Variants in CLPTM1 observed in about 807,000 individuals in gnomAD.
The protein encoded by CLPTM1 is CLPTM1 regulator of GABA type A receptor forward trafficking.
In CLPTM1, 21 loss-of-function variants were observed where a neutral mutation model predicts 77.3. The observed-to-expected ratio is 0.27, with a 90% CI of 0.19 to 0.39. CLPTM1 has a LOEUF of 0.39. Ranked by LOEUF, CLPTM1 falls within the 10% of genes least tolerant of loss-of-function variation. The pLI is 1.00. For missense variants in CLPTM1, 642 were observed against 921.2 expected, an observed-to-expected ratio of 0.70 and a Z score of 3.92; for synonymous variants, 373 against 381.0, an observed-to-expected ratio of 0.98 and a Z score of 0.24.
At chr19:44,972,463 A>G (rs544161475) in intron 2 of CLPTM1, among the ~76,000 whole-genome samples, 29 of 151,798 alleles carry the variant, frequency 1.9e-4, no homozygotes, top group Non-Finnish European at 2.1e-4. Context: ...GTTAGCCAGG[A>G]TGGTCTCAAT....
chr19:44,974,381 C>T (rs1450203595), intron 3 of CLPTM1, 58 bp from the exon 4 acceptor site: 1 of 1,550,656 alleles, frequency 6.4e-7, no homozygotes, highest in African/African-American at 1.4e-5. Flanking sequence ...GCTCTTTAGC[C>T]AGCCTGCAGA....
chr19:44,979,082 C>T (rs955904809), intron 5 of CLPTM1, among the ~76,000 whole-genome samples: 6 of 151,308 alleles, frequency 4.0e-5, no homozygotes, highest in Non-Finnish European at 8.8e-5. Flanking sequence ...CAAGTTCAAG[C>T]GATTCTCCCA....
At chr19:44,985,363 C>A (rs1415332084) in intron 6 of CLPTM1, 60 bp downstream of exon 6, 58 of 1,175,972 alleles carry the variant, frequency 4.9e-5, no homozygotes, top group Non-Finnish European at 7.2e-5. Flanking sequence ...ACAGCTCATC[C>A]CAGACCACTG....
Position 44,989,101 on chromosome 19 carries a change from G to T in CLPTM1, c.1132+928G>T, listed in dbSNP as rs114596316. On this transcript the variant is annotated intron_variant, in intron 9 of 13. Transcript: ENST00000337392. ...GGGAGGCTTGGGCCTGAAAGGTCAAGGCTGCCGTGAGCCATGATCACACCA... is the reference window on the plus strand; with the variant it reads ...GGGAGGCTTGGGCCTGAAAGGTCAATGCTGCCGTGAGCCATGATCACACCA... Among the ~76,000 whole-genome samples the T allele has an allele frequency of 2.9e-3, 448 of 152,202 alleles. 4 individuals are homozygous for T. Among genetic ancestry groups the T allele is most frequent in the African/African-American group, 9.9e-3 (411 of 41,532 alleles).
At chr19:44,960,130 A>C (rs1343563426) in intron 1 of CLPTM1, among the ~76,000 whole-genome samples, 1 of 150,852 alleles carries the variant, frequency 6.6e-6, no homozygotes. Flanking sequence ...TCCCCAGCCG[A>C]CCCCCGCCCC....
upstream of CLPTM1, chr19:44,954,600 G>C: frequency 9.7e-7 from 1 of 1,035,308 alleles, no homozygotes; most frequent in Non-Finnish European, 1.2e-6. Context: ...CAAACTAAGG[G>C]TCTCTCAGCA....
intron 6 of CLPTM1, among the ~76,000 whole-genome samples, chr19:44,985,823 G>T (rs1369162210): frequency 6.6e-6 from 1 of 152,208 alleles, no homozygotes; most frequent in Admixed American, 6.5e-5. Context: ...TGGGGGGGTG[G>T]TCCCTGCTCA....
At chr19:44,965,780 C>G (rs1479793413) in intron 2 of CLPTM1, among the ~76,000 whole-genome samples, 1 of 152,246 alleles carries the variant, frequency 6.6e-6, no homozygotes, top group Non-Finnish European at 1.5e-5. Context: ...TGCCACTGCA[C>G]TCCAGCCTAG....
At chr19:44,955,492 G>C (rs1057284360) in intron 1 of CLPTM1, 25 bp downstream of exon 1, 3 of 1,282,672 alleles carry the variant, frequency 2.3e-6, no homozygotes, top group African/African-American at 3.1e-5. Flanking sequence ...AGGGGACTGA[G>C]GGGGTTCTTC....
rs181120518 is a variant in CLPTM1 at position 44,966,160 on chromosome 19, C to G, written c.185+4085C>G. Among the ~76,000 whole-genome samples, 407 of 152,230 alleles carry G rather than the reference C, an allele frequency of 2.7e-3. 1 individual carries two copies. The highest frequency in any genetic ancestry group is 9.5e-3 in the African/African-American group (394 of 41,510). ...GGCGCGGTGGCTCACGCCTGTAATC[C>G]CAGCACTTTGGGAGGCCGAGGTGGG... On this transcript the variant is annotated intron_variant, in intron 2 of 13. Transcript: ENST00000337392.
Position 44,993,025 on chromosome 19 carries a change from G to T in CLPTM1, c.*128G>T. 8.3e-7 allele frequency: 1 copy of T among 1,198,382 alleles called. No individual in the cohort carries two copies. Among genetic ancestry groups the T allele is most frequent in the Non-Finnish European group, 1.2e-6 (1 of 835,058 alleles). The allele number at this position is 1,198,382 out of a possible 1,614,324, so 74.2% of individuals were successfully genotyped here. Reference sequence around the variant, plus strand: ...CCGGGGCGGTGGGAGGCCCGCCTCAGGTCAGGGCCCAGCGTGTGATGTAGG... The same window carrying T: ...CCGGGGCGGTGGGAGGCCCGCCTCATGTCAGGGCCCAGCGTGTGATGTAGG... On this transcript the variant is annotated 3_prime_UTR_variant, in exon 14 of 14. Transcript: ENST00000337392.
At chr19:44,985,030 A>G (rs537121222) in intron 5 of CLPTM1, among the ~76,000 whole-genome samples, 188 bp from the exon 6 acceptor site, 40 of 152,200 alleles carry the variant, frequency 2.6e-4, no homozygotes, top group South Asian at 2.1e-3. Context: ...CATGATCATG[A>G]GGAACTGGGA....
In CLPTM1 at chr19:44,955,450, G is replaced by C; in HGVS notation, c.55G>C (p.Gly19Arg). Reference protein sequence around the residue: ...GARSAVVAAGGGSSGQVTSNG... With the variant: ...GARSAVVAAGRGSSGQVTSNG... ...CCGCAGCGCCGTGGTGGCGGCCGGG[G>C]GAGGCAGCTCCGGTCAGGTACGGAG... The change falls in exon 1 of 14, where the codon GGA becomes CGA. Residue 19 changes from glycine to arginine, a missense_variant. Gly to Arg is a moderately radical substitution (Grantham distance 125, BLOSUM62 -2). Transcript: ENST00000337392. 2.2e-6 allele frequency: 3 copies of C among 1,335,036 alleles called. No homozygotes were observed. Among genetic ancestry groups the C allele is most frequent in the Non-Finnish European group, 2.9e-6 (3 of 1,045,342 alleles). The allele number at this position is 1,335,036 out of a possible 1,614,324, so 82.7% of individuals were successfully genotyped here.
chr19:44,990,401 A>C lies in CLPTM1; in HGVS notation c.1139A>C (p.Gln380Pro). 6.2e-7 allele frequency: 1 copy of C among 1,613,912 alleles called. No individual in the cohort carries two copies. Among genetic ancestry groups the C allele is most frequent in the Non-Finnish European group, 8.5e-7 (1 of 1,179,898 alleles). Reference sequence around the variant, plus strand: ...CCCTACCCCCTGCGCACAGATATCCAGTTCTGGAACAGCCGGCAGTCCCTG... The same window carrying C: ...CCCTACCCCCTGCGCACAGATATCCCGTTCTGGAACAGCCGGCAGTCCCTG... ...FEFLAFKNDI[Q>P]FWNSRQSLEG... Residue 380 changes from glutamine to proline, a missense_variant, in exon 10 of 14, where the codon CAG becomes CCG. Transcript: ENST00000337392. The surrounding 1 kb of genome is among the most constrained non-coding windows in gnomAD (Gnocchi z 4.8).
chr19:44,987,469 C>A (rs528222489), intron 8 of CLPTM1, 46 bp downstream of exon 8: 1 of 1,603,624 alleles, frequency 6.2e-7, no homozygotes, highest in South Asian at 1.1e-5. Context: ...CCTTCCTGGG[C>A]GCAAGAGGCC....
intron 5 of CLPTM1, among the ~76,000 whole-genome samples, chr19:44,977,767 G>T (rs957786922): frequency 6.6e-6 from 1 of 152,190 alleles, no homozygotes; most frequent in Non-Finnish European, 1.5e-5. Context: ...CACCAAGGGG[G>T]AAGGGCCAGG....
chr19:44,977,256 C>G, intron 4 of CLPTM1, 87 bp from the exon 5 acceptor site: 1 of 961,784 alleles, frequency 1.0e-6, no homozygotes, highest in South Asian at 1.3e-5. Flanking sequence ...GGGGAGGAAA[C>G]TGCTGCAGAT....
chr19:44,985,405 C>A (rs1970962174), intron 6 of CLPTM1, 102 bp downstream of exon 6: 1 of 797,580 alleles, frequency 1.3e-6, no homozygotes, highest in Non-Finnish European at 2.1e-6. Context: ...ACTGAACCAC[C>A]ATGCCGGCTC....
chr19:44,958,588 T>A (rs1214352839), intron 1 of CLPTM1, among the ~76,000 whole-genome samples: 1 of 152,146 alleles, frequency 6.6e-6, no homozygotes, highest in African/African-American at 2.4e-5. Context: ...GCCAGGCTGG[T>A]CTTGAACTCC....
Sources: gnomAD v4.1 joint callset for allele counts (sites outside exome capture counted in the v4.1 genomes callset) on GRCh38, gnomAD v4.1.1 for gene constraint, Gnocchi (gnomAD v3.1) non-coding constraint, MANE v1.5 for transcripts, NCBI Gene and HGNC (gene_info 2026-07-23, HGNC 2026-07-21) for gene names.